KIRREL3: variants seen among roughly 807,000 people sequenced by gnomAD.
KIRREL3 encodes the protein kirre like nephrin family adhesion molecule 3, also known as kin of IRRE-like protein 3.
KIRREL3 carries 36 observed loss-of-function variants against 89.7 expected under a neutral mutation model. That is an observed-to-expected ratio of 0.40 (90% CI 0.31 to 0.53). The LOEUF is 0.53. Ranked by LOEUF, KIRREL3 falls within the 20% of genes least tolerant of loss-of-function variation. The pLI is 0.49. For synonymous variants in KIRREL3, 445 were observed against 441.4 expected (o/e 1.01, Z -0.10); for missense variants, 864 against 1,056.6 (o/e 0.82, Z 2.53).
chr11:126,504,113 T>C (rs1045724270), intron 4 of KIRREL3, among the ~76,000 whole-genome samples: 2 of 152,170 alleles, frequency 1.3e-5, no homozygotes, highest in African/African-American at 4.8e-5. Flanking sequence ...ATTCTGAATA[T>C]TGCGTCCAAG....
intron 1 of KIRREL3, among the ~76,000 whole-genome samples, chr11:126,975,379 C>G (rs1306084454): frequency 6.6e-6 from 1 of 152,140 alleles, no homozygotes; most frequent in Non-Finnish European, 1.5e-5. Flanking sequence ...GTTCACAAAG[C>G]TTTCATTCTT....
intron 1 of KIRREL3, among the ~76,000 whole-genome samples, chr11:126,984,937 C>CT (rs1949820244): frequency 6.6e-6 from 1 of 152,174 alleles, no homozygotes; most frequent in African/African-American, 2.4e-5. Context: ...CACCCACTAC[C>CT]TGTATGACTT....
intron 1 of KIRREL3, among the ~76,000 whole-genome samples, chr11:126,855,857 G>C (rs1317898410): frequency 6.6e-6 from 1 of 152,186 alleles, no homozygotes; most frequent in Non-Finnish European, 1.5e-5. Context: ...CCTTCATCAG[G>C]GTTTCTCTGG....
chr11:126,983,891 C>G lies in KIRREL3; in HGVS notation c.55+16564G>C, dbSNP rs1455308151. ...GAGATTCCTCCTCTGAACCAGAGAACCCCGAGAATAATATGATTAACTATT... is the reference window on the plus strand; with the variant it reads ...GAGATTCCTCCTCTGAACCAGAGAAGCCCGAGAATAATATGATTAACTATT... On this transcript the variant is annotated intron_variant, in intron 1 of 16. Transcript: ENST00000525144. This position sits in a 1 kb window ranked among gnomAD's most constrained non-coding sequence, Gnocchi z 4.9. 6.6e-6 allele frequency among the ~76,000 whole-genome samples: 1 copy of G among 152,146 alleles called. No homozygotes were observed. The highest frequency in any genetic ancestry group is 1.5e-5 in the Non-Finnish European group (1 of 68,036).
Position 126,530,669 on chromosome 11 carries a change from C to T in KIRREL3, c.134-3982G>A, listed in dbSNP as rs1019105229. ...TCTCAGATGGAGCACAGAGTAGGTG[C>T]CTCACAGGCTCAGGTCCTGCTCTCA... On this transcript the variant is annotated intron_variant, in intron 2 of 16. Transcript: ENST00000525144. This position sits in a 1 kb window ranked among gnomAD's most constrained non-coding sequence, Gnocchi z 5.8. Among the ~76,000 whole-genome samples, 1 of 152,176 alleles carries T rather than the reference C, an allele frequency of 6.6e-6. No individual in the cohort carries two copies. The highest frequency in any genetic ancestry group is 2.1e-4 in the South Asian group (1 of 4,828).
intron 8 of KIRREL3, 76 bp from the exon 9 acceptor site, chr11:126,446,962 TC>T (rs1015466454): frequency 6.5e-7 from 1 of 1,535,756 alleles, no homozygotes. Flanking sequence ...TGCCTCCTTT[TC>T]CCCCTAGACC....
intron 1 of KIRREL3, among the ~76,000 whole-genome samples, chr11:126,722,706 A>G (rs1948223815): frequency 6.6e-6 from 1 of 152,228 alleles, no homozygotes; most frequent in South Asian, 2.1e-4. Flanking sequence ...TAACTCATGC[A>G]TGTCATGTAC....
chr11:126,434,008 G>C (rs1344424764), intron 13 of KIRREL3, among the ~76,000 whole-genome samples: 2 of 152,226 alleles, frequency 1.3e-5, no homozygotes, highest in African/African-American at 2.4e-5. Flanking sequence ...GCTGGACAAC[G>C]GTCACCAGGG....
intron 2 of KIRREL3, among the ~76,000 whole-genome samples, chr11:126,546,511 G>A (rs991092658): frequency 3.3e-5 from 5 of 152,112 alleles, no homozygotes; most frequent in Non-Finnish European, 5.9e-5. Flanking sequence ...ACAACCTGGG[G>A]GCAGAAGCAA....
intron 1 of KIRREL3, among the ~76,000 whole-genome samples, chr11:126,701,671 G>A (rs1947317867): frequency 6.6e-6 from 1 of 152,174 alleles, no homozygotes; most frequent in African/African-American, 2.4e-5. Flanking sequence ...AAGGGAGCGA[G>A]GAGGTCAGAG....
rs666230 is a variant in KIRREL3, at chr11:126,612,286, T to G, written c.56-49374A>C. ...GTATTATATGGACACCCTTGGCATA[T>G]AATAAATGCTCCCTCAGAATTTGAG... On this transcript the variant is annotated intron_variant, in intron 1 of 16. Coordinates refer to ENST00000525144, the MANE Select transcript of KIRREL3 (RefSeq NM_032531.4). The surrounding 1 kb of genome is among the most constrained non-coding windows in gnomAD (Gnocchi z 4.5). Among the ~76,000 whole-genome samples, 64,519 of 150,456 alleles carry G rather than the reference T, an allele frequency of 0.43. 15,275 individuals carry two copies. Among genetic ancestry groups the G allele is most frequent in the East Asian group, 0.75 (3,784 of 5,078 alleles).
intron 2 of KIRREL3, among the ~76,000 whole-genome samples, chr11:126,529,068 G>C (rs1008072909): frequency 1.3e-5 from 2 of 152,188 alleles, no homozygotes; most frequent in African/African-American, 4.8e-5. Context: ...AAATGAAGCA[G>C]TGCCCGAGCC....
At position 126,743,177 on chromosome 11, in the gene KIRREL3, A is replaced by AC. The variant is rs1446822391; in HGVS notation, c.56-180266_56-180265insG. Among the ~76,000 whole-genome samples the AC allele has an allele frequency of 3.3e-4, 50 of 152,182 alleles. No individual in the cohort carries two copies. In the East Asian group the frequency reaches 3.5e-3, roughly 11 times the overall value. On this transcript the variant is annotated intron_variant, in intron 1 of 16. Transcript: ENST00000525144. ...GGCAAACAAACAAACAAACAAACAA[A>AC]AAAAACAGCACAAAGAGATGACTTG...
Position 126,459,725 on chromosome 11 carries a change from T to C in KIRREL3, c.743-3271A>G, listed in dbSNP as rs960733722. 2.0e-5 allele frequency among the ~76,000 whole-genome samples: 3 copies of C among 152,138 alleles called. No individual in the cohort carries two copies. Among genetic ancestry groups the C allele is most frequent in the African/African-American group, 7.2e-5 (3 of 41,434 alleles). ...GTGTTTCCATCCGCCCGTGTGTGCG[T>C]GTGTCCATGTGTGTGTGTTTTCAGG... On this transcript the variant is annotated intron_variant, in intron 6 of 16. Coordinates refer to ENST00000525144, the MANE Select transcript of KIRREL3 (RefSeq NM_032531.4). This position sits in a 1 kb window ranked among gnomAD's most constrained non-coding sequence, Gnocchi z 4.8.
intron 1 of KIRREL3, among the ~76,000 whole-genome samples, chr11:126,757,479 C>T (rs1049443084): frequency 2.6e-5 from 4 of 152,084 alleles, no homozygotes; most frequent in African/African-American, 9.7e-5. Flanking sequence ...TTCAAGGGCC[C>T]AGGAAAGTCA....
At chr11:126,942,294 G>A (rs973444938) in intron 1 of KIRREL3, among the ~76,000 whole-genome samples, 4 of 152,090 alleles carry the variant, frequency 2.6e-5, no homozygotes, top group African/African-American at 7.2e-5. Flanking sequence ...CTAGCATCAC[G>A]CCTGGCACAC....
Position 126,550,914 on chromosome 11 carries a change from T to C in KIRREL3, c.133+11921A>G, listed in dbSNP as rs1227681246. ...GTGTCAGATCCCACAGGCTGGGGGC[T>C]CAGTCCCCAAGACTTCCCCCACACC... On this transcript the variant is annotated intron_variant, in intron 2 of 16. Transcript: ENST00000525144. The surrounding 1 kb of genome is among the most constrained non-coding windows in gnomAD (Gnocchi z 4.9). Among the ~76,000 whole-genome samples, 6 of 152,112 alleles carry C rather than the reference T, an allele frequency of 3.9e-5. No individual in the cohort carries two copies. The highest frequency in any genetic ancestry group is 1.4e-4 in the African/African-American group (6 of 41,426).
intron 1 of KIRREL3, among the ~76,000 whole-genome samples, chr11:126,634,181 G>C (rs113494879): frequency 0.021 from 3,233 of 152,252 alleles, 120 homozygotes; most frequent in African/African-American, 0.072. Flanking sequence ...GTATTGCTCT[G>C]TTCACCGGTA....
chr11:126,731,497 C>T (rs1447277177), intron 1 of KIRREL3, among the ~76,000 whole-genome samples: 1 of 152,256 alleles, frequency 6.6e-6, no homozygotes, highest in East Asian at 1.9e-4. Flanking sequence ...TTTCACATTT[C>T]TCTTTCTGCA....
Sources: allele counts gnomAD v4.1 joint callset (sites outside exome capture counted in the v4.1 genomes callset), GRCh38; gene constraint gnomAD v4.1.1; non-coding constraint Gnocchi (gnomAD v3.1); transcripts MANE v1.5; gene names NCBI Gene and HGNC (gene_info 2026-07-23, HGNC 2026-07-21).